PLEKHH2: variants seen among roughly 807,000 people sequenced by gnomAD.
PLEKHH2 encodes the protein pleckstrin homology domain-containing family H member 2.
PLEKHH2 carries 129 observed loss-of-function variants against 187.9 expected under a neutral mutation model. The ratio of observed to expected loss-of-function variants is 0.69; its 90% CI spans 0.59 to 0.79. PLEKHH2 has a LOEUF of 0.79. Among genes scored for constraint, PLEKHH2 ranks in the 30% least tolerant of loss-of-function variants. PLEKHH2 has a pLI of 0.00. For synonymous variants in PLEKHH2, 686 were observed against 605.6 expected (o/e 1.13, Z -1.95); for missense variants, 2,076 against 1,751.2 (o/e 1.19, Z -3.31).
chr2:43,766,583 C>T lies in PLEKHH2; in HGVS notation c.*985C>T, dbSNP rs61187167. The T allele has an allele frequency of 0.078, 11,837 of 152,390 alleles. 591 individuals are homozygous for T. Among genetic ancestry groups the T allele is most frequent in the South Asian group, 0.15 (719 of 4,816 alleles). 9.4% of individuals were successfully genotyped at this position (152,390 alleles called of 1,614,324 possible). A position where few individuals can be genotyped will look rare whatever the true frequency, so the allele number is the denominator to read the frequency against. ...TGCTGGGATTACAAGTGTGAGCCAC[C>T]ACACCTGGCTCCAGAAATTTTATTT... On this transcript the variant is annotated 3_prime_UTR_variant, in exon 30 of 30. Coordinates refer to ENST00000282406, the MANE Select transcript of PLEKHH2 (RefSeq NM_172069.4).
intron 24 of PLEKHH2, 49 bp downstream of exon 24, chr2:43,746,012 C>A (rs1337730564): frequency 1.7e-6 from 2 of 1,201,536 alleles, no homozygotes; most frequent in Non-Finnish European, 2.4e-6. Context: ...ACAATATGTT[C>A]TAATAATGCA....
Position 43,765,663 on chromosome 2 carries a change from G to A in PLEKHH2, c.*65G>A, listed in dbSNP as rs1439660431. 2 of 1,514,544 alleles carry A rather than the reference G, an allele frequency of 1.3e-6. No homozygotes were observed. Among genetic ancestry groups the A allele is most frequent in the African/African-American group, 2.8e-5 (2 of 71,876 alleles). 93.8% of individuals were successfully genotyped at this position (1,514,544 alleles called of 1,614,324 possible). On this transcript the variant is annotated 3_prime_UTR_variant, in exon 30 of 30. Transcript: ENST00000282406. The stretch of plus-strand genomic sequence containing the variant: ...CTGTGGCTGTATCAGCTCCCTACAA[G>A]TTCGTTTACACCTGGCAGCACGGCA...
Position 43,721,011 on chromosome 2 carries a change from C to T in PLEKHH2, c.2541+262C>T, listed in dbSNP as rs185657470. ...TAGAACAGTCTTCTTCTATTCCCTC[C>T]CCACAACCATCAGTTTCTTATATTT... is the stretch of plus-strand genomic sequence containing the variant. On this transcript the variant is annotated intron_variant, in intron 16 of 29. Coordinates refer to ENST00000282406, the MANE Select transcript of PLEKHH2 (RefSeq NM_172069.4). Among the ~76,000 whole-genome samples the T allele has an allele frequency of 2.5e-3, 378 of 152,226 alleles. 1 individual carries two copies. The highest frequency in any genetic ancestry group is 8.5e-3 in the African/African-American group (352 of 41,532).
chr2:43,681,752 G>A (rs1668203081), intron 3 of PLEKHH2: 2 of 460,154 alleles, frequency 4.3e-6, no homozygotes, highest in Admixed American at 3.9e-5. Context: ...TTCAGTTTCG[G>A]GTCTGAGAGC....
At chr2:43,756,433 C>T (rs1672213984) in intron 25 of PLEKHH2, among the ~76,000 whole-genome samples, 1 of 152,044 alleles carries the variant, frequency 6.6e-6, no homozygotes, top group African/African-American at 2.4e-5. Flanking sequence ...GCTGGGATTA[C>T]AGGTGCCTGC....
chr2:43,706,293 A>G, intron 9 of PLEKHH2, 29 bp from the exon 10 acceptor site: 1 of 1,502,026 alleles, frequency 6.7e-7, no homozygotes, highest in South Asian at 1.1e-5. Flanking sequence ...AAGTTTTTTA[A>G]AATGTTGTTT....
At chr2:43,692,870 A>G (rs532221389) in intron 4 of PLEKHH2, among the ~76,000 whole-genome samples, 4 of 152,128 alleles carry the variant, frequency 2.6e-5, no homozygotes, top group Non-Finnish European at 4.4e-5. Context: ...GGCAAGATCT[A>G]ACACTTTTTG....
chr2:43,642,767 A>T (rs891155623), intron 1 of PLEKHH2, among the ~76,000 whole-genome samples: 1 of 152,090 alleles, frequency 6.6e-6, no homozygotes, highest in Non-Finnish European at 1.5e-5. Flanking sequence ...ACATTGATTG[A>T]TTTCAATTTG....
chr2:43,707,143 C>A (rs1572593701), intron 10 of PLEKHH2, among the ~76,000 whole-genome samples: 1 of 139,940 alleles, frequency 7.1e-6, no homozygotes, highest in East Asian at 2.0e-4. Flanking sequence ...TTGCAGTGAA[C>A]CGAGATCATG....
intron 2 of PLEKHH2, among the ~76,000 whole-genome samples, chr2:43,651,371 A>C (rs1666465290): frequency 6.6e-6 from 1 of 152,134 alleles, no homozygotes; most frequent in Non-Finnish European, 1.5e-5. Context: ...CCGGCCCTCA[A>C]ATTTCAAATT....
intron 3 of PLEKHH2, among the ~76,000 whole-genome samples, chr2:43,682,001 A>G (rs1166297372): frequency 3.3e-5 from 5 of 152,168 alleles, no homozygotes; most frequent in Non-Finnish European, 5.9e-5. Context: ...GTGAACCCGC[A>G]TCACCCACTT....
chr2:43,718,830 A>G (rs1226448988), intron 15 of PLEKHH2, among the ~76,000 whole-genome samples: 1 of 152,196 alleles, frequency 6.6e-6, no homozygotes, highest in Non-Finnish European at 1.5e-5. Context: ...ATGTTTCTAA[A>G]TTTAATTAAA....
At chr2:43,658,794 A>G (rs1471265118) in intron 2 of PLEKHH2, 1 of 152,160 alleles carries the variant, frequency 6.6e-6, no homozygotes, top group Non-Finnish European at 1.5e-5. Context: ...TCATTTCCAC[A>G]ATATCCTGTT....
At chr2:43,753,913 T>C (rs1672101612) in intron 25 of PLEKHH2, among the ~76,000 whole-genome samples, 153 bp downstream of exon 25, 1 of 152,212 alleles carries the variant, frequency 6.6e-6, no homozygotes, top group Non-Finnish European at 1.5e-5. Context: ...AATTATAGTT[T>C]GCCTCTAAAC....
Position 43,758,968 on chromosome 2 carries a change from G to C in PLEKHH2, c.4010G>C (p.Arg1337Pro). ...GGACACAGTGCTGCTGACTGTGTGC[G>C]CATTTATTTGACAGTAGCCAGGAAG... ...LRGHSAADCV[R>P]IYLTVARKWP... is the part of the protein sequence containing the mutation. The change falls in exon 27 of 30, where the codon CGC (arginine) becomes CCC (proline). Residue 1337 changes from arginine (R) to proline (P), a missense_variant. Transcript: ENST00000282406. 1.2e-6 allele frequency: 2 copies of C among 1,612,484 alleles called. No homozygotes were observed. The highest frequency in any genetic ancestry group is 1.7e-6 in the Non-Finnish European group (2 of 1,178,668).
At chr2:43,659,152 T>C (rs902981597) in intron 2 of PLEKHH2, among the ~76,000 whole-genome samples, 1 of 151,044 alleles carries the variant, frequency 6.6e-6, no homozygotes, top group Non-Finnish European at 1.5e-5. Flanking sequence ...TTTGTATATA[T>C]ATATTTTTTT....
intron 23 of PLEKHH2, among the ~76,000 whole-genome samples, chr2:43,745,654 A>G (rs1671749165): frequency 6.6e-6 from 1 of 152,222 alleles, no homozygotes. Flanking sequence ...GCCACAGTCC[A>G]AAGTTAATGT....
intron 25 of PLEKHH2, among the ~76,000 whole-genome samples, chr2:43,755,475 G>C (rs748977844): frequency 6.6e-6 from 1 of 152,152 alleles, no homozygotes; most frequent in Non-Finnish European, 1.5e-5. Flanking sequence ...CCTTTCTCTG[G>C]TCTGGTCCCT....
intron 22 of PLEKHH2, 31 bp from the exon 23 acceptor site, chr2:43,743,803 T>C: frequency 6.3e-7 from 1 of 1,578,666 alleles, no homozygotes; most frequent in Non-Finnish European, 8.7e-7. Flanking sequence ...ATATTTCTTA[T>C]TAAGAGAACT....
Sources: gnomAD v4.1 joint callset for allele counts (sites outside exome capture counted in the v4.1 genomes callset) on GRCh38, gnomAD v4.1.1 for gene constraint, MANE v1.5 for transcripts, NCBI Gene and HGNC (gene_info 2026-07-23, HGNC 2026-07-21) for gene names.